Variants in TFEC observed in about 807,000 individuals in gnomAD.
TFEC encodes transcription factor EC, also known as class E basic helix-loop-helix protein 34.
A neutral mutation model predicts 41.6 loss-of-function variants in TFEC; 31 were observed. The ratio of observed to expected loss-of-function variants is 0.74; its 90% CI spans 0.56 to 1.01. The LOEUF (loss-of-function observed/expected upper bound fraction) is 1.01, where lower values mean the gene tolerates loss of function less well. TFEC is among the 50% of genes least tolerant of loss of function. The pLI is 0.00. For missense variants in TFEC, 402 were observed against 404.1 expected, an observed-to-expected ratio of 0.99 and a Z score of 0.04; for synonymous variants, 143 against 140.6, an observed-to-expected ratio of 1.02 and a Z score of -0.12.
At chr7:116,023,963 G>A (rs1377656472) in intron 1 of TFEC, among the ~76,000 whole-genome samples, 2 of 152,050 alleles carry the variant, frequency 1.3e-5, no homozygotes, top group East Asian at 3.9e-4. Flanking sequence ...CCCTTTTTTA[G>A]TGGAGACCTG....
chr7:116,113,622 A>G (rs528310372), intron 1 of TFEC, among the ~76,000 whole-genome samples: 39 of 152,180 alleles, frequency 2.6e-4, no homozygotes, highest in African/African-American at 9.1e-4. Flanking sequence ...CAGGAGGATT[A>G]TAATAAAGCA....
intron 3 of TFEC, among the ~76,000 whole-genome samples, chr7:116,058,884 T>C (rs1796488709): frequency 6.6e-6 from 1 of 151,696 alleles, no homozygotes; most frequent in African/African-American, 2.4e-5. Flanking sequence ...GAGATGCCGA[T>C]AAAGCAATAT....
intron 1 of TFEC, among the ~76,000 whole-genome samples, chr7:115,992,266 A>C (rs902214191): frequency 1.3e-5 from 2 of 152,220 alleles, no homozygotes; most frequent in Admixed American, 1.3e-4. Context: ...AAAGATCTAA[A>C]ATTGACACGC....
chr7:116,019,132 C>T (rs780623974), intron 1 of TFEC, among the ~76,000 whole-genome samples: 1 of 151,816 alleles, frequency 6.6e-6, no homozygotes, highest in Non-Finnish European at 1.5e-5. Flanking sequence ...AGAGAGAGAG[C>T]AAGAGAGCTG....
chr7:115,946,515 A>C (rs961977388), intron 6 of TFEC, among the ~76,000 whole-genome samples: 8 of 150,316 alleles, frequency 5.3e-5, no homozygotes, highest in African/African-American at 2.0e-4. Flanking sequence ...TCCTGGGTTC[A>C]AGTGATCCTT....
chr7:116,070,116 C>T (rs941128600), intron 3 of TFEC, among the ~76,000 whole-genome samples: 5 of 150,962 alleles, frequency 3.3e-5, no homozygotes, highest in African/African-American at 1.2e-4. Flanking sequence ...AATATAAAAA[C>T]AACATAAATA....
chr7:116,090,669 A>G (rs1354942552), intron 3 of TFEC, among the ~76,000 whole-genome samples: 1 of 152,116 alleles, frequency 6.6e-6, no homozygotes, highest in African/African-American at 2.4e-5. Context: ...AAACTAAAAT[A>G]TAAGATTATA....
chr7:116,104,027 A>C (rs1797662437), intron 3 of TFEC, among the ~76,000 whole-genome samples: 1 of 152,314 alleles, frequency 6.6e-6, no homozygotes, highest in African/African-American at 2.4e-5. Context: ...GTTTCAAGAT[A>C]AGTAAAAGGA....
chr7:116,155,202 C>A (rs538918863), intron 1 of TFEC, among the ~76,000 whole-genome samples: 249 of 152,264 alleles, frequency 1.6e-3, no homozygotes, highest in African/African-American at 5.9e-3. Context: ...AATGAACATA[C>A]AAATGGGAGA....
At chr7:116,081,974 A>C (rs1408475406) in intron 3 of TFEC, among the ~76,000 whole-genome samples, 1 of 151,882 alleles carries the variant, frequency 6.6e-6, no homozygotes, top group East Asian at 1.9e-4. Context: ...ATATGTATTT[A>C]GTGGATCCTT....
intron 1 of TFEC, among the ~76,000 whole-genome samples, chr7:115,997,176 T>A (rs902780281): frequency 1.3e-5 from 2 of 152,158 alleles, no homozygotes; most frequent in Admixed American, 6.5e-5. Context: ...ATAGTCCCAT[T>A]GGAGGTGGCC....
At chr7:115,959,828 A>T (rs925589661) in intron 3 of TFEC, among the ~76,000 whole-genome samples, 1 of 151,606 alleles carries the variant, frequency 6.6e-6, no homozygotes, top group Non-Finnish European at 1.5e-5. Context: ...TAAGAAATAG[A>T]ACATATGAAA....
chr7:115,940,893 G>T lies in TFEC; in HGVS notation c.702C>A (p.Thr234=). The T allele has an allele frequency of 2.5e-6, 4 of 1,609,362 alleles. No individual in the cohort carries two copies. Among genetic ancestry groups the T allele is most frequent in the Non-Finnish European group, 3.4e-6 (4 of 1,177,018 alleles). The part of the protein sequence containing the change: ...EIQARTHGLP[T]LASLGTVDLG... ...AATCAACCGTGCCAAGTGAAGCCAGGGTTGGCAGACCATGAGTACGAGCCT... is the reference window on the plus strand; with the variant it reads ...AATCAACCGTGCCAAGTGAAGCCAGTGTTGGCAGACCATGAGTACGAGCCT... The change falls in exon 8 of 8, where the codon ACC becomes ACA. Residue 234 remains threonine (T), a synonymous_variant. Transcript: ENST00000265440.
At chr7:116,111,695 T>G (rs1797858485) in intron 2 of TFEC, among the ~76,000 whole-genome samples, 1 of 152,022 alleles carries the variant, frequency 6.6e-6, no homozygotes, top group African/African-American at 2.4e-5. Context: ...ACCCAAATTC[T>G]CAGTCAGAGT....
chr7:116,031,615 T>C (rs1795785186), upstream of TFEC, among the ~76,000 whole-genome samples: 1 of 152,202 alleles, frequency 6.6e-6, no homozygotes, highest in African/African-American at 2.4e-5. Context: ...AAGGCATTTA[T>C]GCAAGCTACT....
At chr7:116,022,154 C>T (rs1584711291) in intron 1 of TFEC, among the ~76,000 whole-genome samples, 1 of 152,138 alleles carries the variant, frequency 6.6e-6, no homozygotes, top group South Asian at 2.1e-4. Flanking sequence ...AGGGAATGGG[C>T]TCACCATATT....
chr7:116,143,392 T>A (rs1798579672), intron 1 of TFEC, among the ~76,000 whole-genome samples: 1 of 152,086 alleles, frequency 6.6e-6, no homozygotes, highest in Non-Finnish European at 1.5e-5. Context: ...AGAGAGGTTG[T>A]CATAACAGAC....
At chr7:115,952,918 A>G (rs1172993057) in intron 5 of TFEC, among the ~76,000 whole-genome samples, 1 of 151,946 alleles carries the variant, frequency 6.6e-6, no homozygotes, top group Non-Finnish European at 1.5e-5. Context: ...TCTAAACTAT[A>G]CTCTGGGTTA....
At chr7:116,139,555 A>C (rs1420704210) in intron 1 of TFEC, among the ~76,000 whole-genome samples, 1 of 152,178 alleles carries the variant, frequency 6.6e-6, no homozygotes, top group Non-Finnish European at 1.5e-5. Flanking sequence ...TAAAACAAAA[A>C]GTTTAAATCA....
Sources: gnomAD v4.1 joint callset for allele counts (sites outside exome capture counted in the v4.1 genomes callset) on GRCh38, gnomAD v4.1.1 for gene constraint, MANE v1.5 for transcripts, NCBI Gene and HGNC (gene_info 2026-07-23, HGNC 2026-07-21) for gene names.